GINM1: variants seen among roughly 807,000 people sequenced by gnomAD.
The protein encoded by GINM1 is glycoprotein integral membrane protein 1.
A neutral mutation model predicts 37.8 loss-of-function variants in GINM1; 29 were observed. That is an observed-to-expected ratio of 0.77 (90% CI 0.57 to 1.05). The LOEUF is 1.05. Ranked by LOEUF, GINM1 falls within the 50% of genes least tolerant of loss-of-function variation. The pLI, the probability that GINM1 is intolerant of heterozygous loss-of-function variation, is 0.00. For synonymous variants in GINM1, 143 were observed against 146.2 expected, an observed-to-expected ratio of 0.98 and a Z score of 0.16; for missense variants, 377 against 397.9, an observed-to-expected ratio of 0.95 and a Z score of 0.45.
intron 6 of GINM1, 142 bp from the exon 7 acceptor site, chr6:149,582,298 C>A: frequency 1.4e-6 from 1 of 696,746 alleles, no homozygotes; most frequent in South Asian, 1.7e-5. Context: ...TTAGTTTTGA[C>A]AAATGTAGTC....
Position 149,566,665 on chromosome 6 carries a change from G to A in GINM1, c.120+131G>A, listed in dbSNP as rs1489751920. 2 of 1,238,528 alleles carry A rather than the reference G, an allele frequency of 1.6e-6. No homozygotes were observed. The highest frequency in any genetic ancestry group is 2.1e-6 in the Non-Finnish European group (2 of 947,768). The allele number at this position is 1,238,528 out of a possible 1,614,324, so 76.7% of individuals were successfully genotyped here. On this transcript the variant is annotated intron_variant, in intron 1 of 7. Coordinates refer to ENST00000367419, the MANE Select transcript of GINM1 (RefSeq NM_138785.5). This position sits in a 1 kb window ranked among gnomAD's most constrained non-coding sequence, Gnocchi z 4.4. Reference sequence around the variant, plus strand: ...GGGTCCGGGCCCCCGAAGGAGGTGTGGGGAGAAGCACCCCAGGAAATGGGG... The same window carrying A: ...GGGTCCGGGCCCCCGAAGGAGGTGTAGGGAGAAGCACCCCAGGAAATGGGG...
At chr6:149,577,830 C>T (rs192039031) in intron 3 of GINM1, among the ~76,000 whole-genome samples, 31 of 152,220 alleles carry the variant, frequency 2.0e-4, no homozygotes, top group East Asian at 3.9e-4. Flanking sequence ...TTATCTTTTT[C>T]GATAGCACTT....
At chr6:149,574,225 A>AT (rs879210892) in intron 3 of GINM1, among the ~76,000 whole-genome samples, 3 of 151,526 alleles carry the variant, frequency 2.0e-5, no homozygotes, top group Non-Finnish European at 2.9e-5. Context: ...TAATTTTTGT[A>AT]TTTTTAGTAG....
chr6:149,578,544 AAAAG>A (rs1201808586), intron 3 of GINM1, among the ~76,000 whole-genome samples: 2 of 151,886 alleles, frequency 1.3e-5, no homozygotes, highest in Non-Finnish European at 2.9e-5. Context: ...AAAAAAAAAA[AAAAG>A]AATAGGAAAG....
At chr6:149,576,613 C>A (rs1309906380) in intron 3 of GINM1, among the ~76,000 whole-genome samples, 1 of 151,494 alleles carries the variant, frequency 6.6e-6, no homozygotes, top group Non-Finnish European at 1.5e-5. Context: ...AAAAAAAAAT[C>A]ATTCATAGAT....
At chr6:149,570,916 C>T (rs1777808697) in intron 1 of GINM1, among the ~76,000 whole-genome samples, 1 of 152,136 alleles carries the variant, frequency 6.6e-6, no homozygotes, top group South Asian at 2.1e-4. Context: ...GTATATAAAG[C>T]ATGTCATCTT....
At chr6:149,586,262 A>C (rs1379662560) in intron 7 of GINM1, among the ~76,000 whole-genome samples, 1 of 152,310 alleles carries the variant, frequency 6.6e-6, no homozygotes, top group East Asian at 1.9e-4. Context: ...TGCAGAGATC[A>C]CATATCAAGA....
intron 5 of GINM1, among the ~76,000 whole-genome samples, 183 bp from the exon 6 acceptor site, chr6:149,580,410 A>C (rs1777981842): frequency 6.6e-6 from 1 of 152,244 alleles, no homozygotes; most frequent in African/African-American, 2.4e-5. Context: ...TTAGCTCCTT[A>C]TACGTGTCTT....
chr6:149,582,370 A>G, intron 6 of GINM1, 70 bp from the exon 7 acceptor site: 8 of 1,323,612 alleles, frequency 6.0e-6, no homozygotes, highest in Non-Finnish European at 8.5e-6. Flanking sequence ...AAGCTAAAAC[A>G]TTAAAAAATT....
chr6:149,571,673 ATATTT>A (rs1304249292), intron 1 of GINM1, among the ~76,000 whole-genome samples: 1 of 152,190 alleles, frequency 6.6e-6, no homozygotes, highest in East Asian at 1.9e-4. Context: ...GGTAGGGGTA[ATATTT>A]TATATTTTAT....
At position 149,566,759 on chromosome 6, in the gene GINM1, G is replaced by A. The variant is rs1158522390; in HGVS notation, c.120+225G>A. Among the ~76,000 whole-genome samples the A allele has an allele frequency of 6.6e-6, 1 of 152,228 alleles. No homozygotes were observed. The highest frequency in any genetic ancestry group is 2.4e-5 in the African/African-American group (1 of 41,468). ...CTGCGTCGCTGTGAGTGAGCCTCGA[G>A]CCACTCCACACCGACTCTCCGGCGG... On this transcript the variant is annotated intron_variant, in intron 1 of 7. Transcript: ENST00000367419. This position sits in a 1 kb window ranked among gnomAD's most constrained non-coding sequence, Gnocchi z 4.4.
chr6:149,576,149 G>A (rs766319504), intron 3 of GINM1: 1 of 152,088 alleles, frequency 6.6e-6, no homozygotes, highest in Non-Finnish European at 1.5e-5. Context: ...CTGCCATCAC[G>A]TCAGGGCTCA....
chr6:149,588,331 T>C (rs1033617233), intron 7 of GINM1, among the ~76,000 whole-genome samples: 1 of 152,256 alleles, frequency 6.6e-6, no homozygotes, highest in African/African-American at 2.4e-5. Context: ...TATGATTCTC[T>C]CATGACTTGC....
chr6:149,571,634 A>T (rs1046678334), intron 1 of GINM1, among the ~76,000 whole-genome samples: 6 of 152,078 alleles, frequency 3.9e-5, no homozygotes, highest in African/African-American at 1.4e-4. Context: ...TTCTGGGGGG[A>T]TAGAGGGCAA....
chr6:149,585,876 G>A (rs1778063550), intron 7 of GINM1, among the ~76,000 whole-genome samples: 1 of 152,138 alleles, frequency 6.6e-6, no homozygotes, highest in Admixed American at 6.5e-5. Context: ...ACAGGGGTGA[G>A]CCACCGCGCC....
rs759201046 is a variant in GINM1, at chr6:149,572,587, C to T, written c.261C>T (p.Ser87=). The change falls in exon 3 of 8, where the codon AGC becomes AGT. Residue 87 remains serine, a synonymous_variant. Coordinates refer to ENST00000367419, the MANE Select transcript of GINM1 (RefSeq NM_138785.5). ...LPVNSGVTRI[S]CQTLIVKNEN... ...TAAATAGTGGTGTAACCCGAATAAG[C>T]TGTCAGACTTTGATAGGTGAGTATT... 6.3e-6 allele frequency: 10 copies of T among 1,583,840 alleles called. No individual in the cohort carries two copies. The highest frequency in any genetic ancestry group is 3.4e-5 in the Admixed American group (2 of 59,526).
chr6:149,574,337 C>T (rs1479557535), intron 3 of GINM1, among the ~76,000 whole-genome samples: 1 of 152,016 alleles, frequency 6.6e-6, no homozygotes, highest in East Asian at 1.9e-4. Flanking sequence ...CAGGCGTGAG[C>T]CACCGTGCCC....
At chr6:149,584,475 C>CTAA (rs1778043449) in intron 7 of GINM1, 1 of 152,158 alleles carries the variant, frequency 6.6e-6, no homozygotes, top group South Asian at 2.1e-4. Context: ...TAATGATGAA[C>CTAA]TAATGCCTCC....
rs1280566672 is a variant in GINM1, at chr6:149,590,764, G to A, written c.919G>A (p.Val307Met). The part of the protein sequence containing the change: ...LQLDKVDVIP[V>M]TAINLYPDGP... ...GTTGGATAAAGTGGACGTCATACCT[G>A]TGACAGCTATCAACTTATATCCAGA... is the stretch of plus-strand genomic sequence containing the variant. The change falls in exon 8 of 8, where the codon GTG becomes ATG. Residue 307 changes from valine (V) to methionine (M), a missense_variant. Val to Met is a conservative substitution (Grantham distance 21). Coordinates refer to ENST00000367419, the MANE Select transcript of GINM1 (RefSeq NM_138785.5). The A allele has an allele frequency of 1.3e-6, 2 of 1,599,344 alleles. No individual in the cohort carries two copies. Among genetic ancestry groups the A allele is most frequent in the South Asian group, 2.2e-5 (2 of 90,564 alleles).
Sources: allele counts gnomAD v4.1 joint callset (sites outside exome capture counted in the v4.1 genomes callset), GRCh38; gene constraint gnomAD v4.1.1; non-coding constraint Gnocchi (gnomAD v3.1); transcripts MANE v1.5; gene names NCBI Gene and HGNC (gene_info 2026-07-23, HGNC 2026-07-21).